COL14A1: variants seen among roughly 807,000 people sequenced by gnomAD.
COL14A1 encodes collagen alpha-1(XIV) chain.
COL14A1 carries 136 observed loss-of-function variants against 230.3 expected under a neutral mutation model. The observed-to-expected ratio is 0.59, with a 90% confidence interval of 0.51 to 0.68. The LOEUF is 0.68. Among genes scored for constraint, COL14A1 ranks in the 30% least tolerant of loss-of-function variants. The probability of loss-of-function intolerance (pLI) is 0.00; values close to 1 mark genes in which losing one functional copy is unlikely to be tolerated. For missense variants in COL14A1, 1,976 were observed against 2,215.8 expected, an observed-to-expected ratio of 0.89 and a Z score of 2.17; for synonymous variants, 792 against 784.1, an observed-to-expected ratio of 1.01 and a Z score of -0.17.
chr8:120,370,662 C>T (rs1823555593), intron 47 of COL14A1: 2 of 1,447,746 alleles, frequency 1.4e-6, no homozygotes, highest in Non-Finnish European at 1.8e-6. Flanking sequence ...AGAATTTATC[C>T]CAGACTCCCC....
intron 40 of COL14A1, among the ~76,000 whole-genome samples, chr8:120,318,676 C>T (rs1275602858): frequency 1.3e-5 from 2 of 152,050 alleles, no homozygotes; most frequent in African/African-American, 4.8e-5. Flanking sequence ...ATAGAGTAAG[C>T]ACAAACACCT....
intron 1 of COL14A1, among the ~76,000 whole-genome samples, chr8:120,131,966 C>T (rs1814546443): frequency 6.6e-6 from 1 of 151,194 alleles, no homozygotes; most frequent in South Asian, 2.1e-4. Flanking sequence ...CCTGCCCCAG[C>T]CTCTCTAGTA....
Position 120,210,755 on chromosome 8 carries a change from A to C in COL14A1, c.1467+854A>C, listed in dbSNP as rs16893641. On this transcript the variant is annotated intron_variant, in intron 12 of 47. Transcript: ENST00000297848. ...AATTCAGAGAACTTGATTGTCTAAA[A>C]TTGTGTAAAGCCTGTCCCTGATGAT... Among the ~76,000 whole-genome samples the C allele has an allele frequency of 3.1e-3, 476 of 152,304 alleles. 16 individuals carry two copies. In the East Asian group the frequency reaches 0.084, roughly 27 times the overall value.
At chr8:120,238,193 G>A (rs1818506496) in intron 19 of COL14A1, among the ~76,000 whole-genome samples, 1 of 152,186 alleles carries the variant, frequency 6.6e-6, no homozygotes, top group South Asian at 2.1e-4. Flanking sequence ...TAAGTCTGCT[G>A]AAGCTGCGCC....
chr8:120,149,992 C>T (rs1815228752), intron 2 of COL14A1, among the ~76,000 whole-genome samples: 1 of 152,112 alleles, frequency 6.6e-6, no homozygotes, highest in African/African-American at 2.4e-5. Flanking sequence ...TCGTGCCCAG[C>T]CACCAAATTC....
chr8:120,231,736 C>T, intron 19 of COL14A1, 118 bp downstream of exon 19: 1 of 1,074,636 alleles, frequency 9.3e-7, no homozygotes, highest in Non-Finnish European at 1.3e-6. Flanking sequence ...CTGCCATCTC[C>T]AGAAACTAAT....
At chr8:120,349,267 A>G (rs1378816198) in intron 45 of COL14A1, among the ~76,000 whole-genome samples, 3 of 150,146 alleles carry the variant, frequency 2.0e-5, no homozygotes, top group African/African-American at 7.4e-5. Flanking sequence ...AAAAGTAGAT[A>G]AAACCACAAA....
chr8:120,195,576 T>C (rs1181986383), intron 5 of COL14A1, among the ~76,000 whole-genome samples: 4 of 152,196 alleles, frequency 2.6e-5, no homozygotes, highest in African/African-American at 9.7e-5. Context: ...AGCGGTTTAA[T>C]GGACTCACAG....
chr8:120,255,577 C>A (rs368679541), intron 23 of COL14A1, among the ~76,000 whole-genome samples: 1 of 152,084 alleles, frequency 6.6e-6, no homozygotes, highest in East Asian at 1.9e-4. Flanking sequence ...ATGAGTATAG[C>A]CATAGTGCTG....
In COL14A1 at chr8:120,262,887, C is replaced by T; in HGVS notation, c.2889C>T (p.Ser963=). 1 of 1,606,588 alleles carries T rather than the reference C, an allele frequency of 6.2e-7. No homozygotes were observed. The highest frequency in any genetic ancestry group is 8.5e-7 in the Non-Finnish European group (1 of 1,177,972). ...TTATAGATAGGCAAAAGCAAGAATCCACTGTGGGTGGAGGGACAACCAGGC... is the reference window on the plus strand; with the variant it reads ...TTATAGATAGGCAAAAGCAAGAATCTACTGTGGGTGGAGGGACAACCAGGC... ...ESLQDRQKQE[S]TVGGGTTRHC... Residue 963 remains serine, a synonymous_variant, in exon 24 of 48, where the codon TCC becomes TCT. Coordinates refer to ENST00000297848, the MANE Select transcript of COL14A1 (RefSeq NM_021110.4).
chr8:120,254,169 G>A (rs145141069), intron 22 of COL14A1, among the ~76,000 whole-genome samples: 128 of 152,166 alleles, frequency 8.4e-4, no homozygotes, highest in African/African-American at 3.0e-3. Flanking sequence ...AATAGAAAAT[G>A]ATATGAATGG....
chr8:120,281,637 T>G (rs992896103), intron 31 of COL14A1, among the ~76,000 whole-genome samples: 1 of 151,574 alleles, frequency 6.6e-6, no homozygotes, highest in Admixed American at 6.6e-5. Context: ...TTATGTACAC[T>G]AACTCACTCA....
At chr8:120,370,837 T>G in intron 47 of COL14A1, 1 of 1,349,652 alleles carries the variant, frequency 7.4e-7, no homozygotes, top group Middle Eastern at 2.0e-4. Flanking sequence ...TAACATGAGA[T>G]TTTTTAAAAA....
At chr8:120,363,284 G>A (rs1823292313) in intron 45 of COL14A1, among the ~76,000 whole-genome samples, 1 of 152,130 alleles carries the variant, frequency 6.6e-6, no homozygotes, top group Admixed American at 6.5e-5. Context: ...CAGAGACATG[G>A]ATGAAGCTAG....
chr8:120,184,898 T>C (rs1206351726), intron 5 of COL14A1, among the ~76,000 whole-genome samples: 3 of 152,204 alleles, frequency 2.0e-5, no homozygotes, highest in Admixed American at 6.5e-5. Flanking sequence ...TTATTCAGTC[T>C]ACCAAAATCA....
At chr8:120,362,339 G>A (rs533855565) in intron 45 of COL14A1, among the ~76,000 whole-genome samples, 14 of 152,160 alleles carry the variant, frequency 9.2e-5, no homozygotes, top group East Asian at 1.9e-4. Flanking sequence ...GCTGGCATCC[G>A]AAACCTAGTG....
chr8:120,153,480 C>G (rs1815356705), intron 2 of COL14A1, among the ~76,000 whole-genome samples: 2 of 152,144 alleles, frequency 1.3e-5, no homozygotes, highest in African/African-American at 4.8e-5. Flanking sequence ...CCACTGTACC[C>G]CGCCAATAAT....
At chr8:120,286,584 A>T (rs1820211180) in intron 33 of COL14A1, among the ~76,000 whole-genome samples, 1 of 152,036 alleles carries the variant, frequency 6.6e-6, no homozygotes, top group Non-Finnish European at 1.5e-5. Flanking sequence ...ATCTTGGCTC[A>T]CTACAAGCTC....
At chr8:120,230,194 A>G (rs145680571) in intron 18 of COL14A1, among the ~76,000 whole-genome samples, 140 of 152,134 alleles carry the variant, frequency 9.2e-4, no homozygotes, top group African/African-American at 3.2e-3. Flanking sequence ...GTTGAGAATT[A>G]TTCTTACCAT....
Sources: gnomAD v4.1 joint callset for allele counts (sites outside exome capture counted in the v4.1 genomes callset) on GRCh38, gnomAD v4.1.1 for gene constraint, MANE v1.5 for transcripts, NCBI Gene and HGNC (gene_info 2026-07-23, HGNC 2026-07-21) for gene names.